Variants in TXNRD2 observed in about 807,000 individuals in gnomAD.
The protein encoded by TXNRD2 is thioredoxin reductase 2, also known as thioredoxin reductase 2, mitochondrial.
Under a neutral mutation model 70.8 loss-of-function variants are expected in TXNRD2, and 67 were observed. That is an observed-to-expected ratio of 0.95 (90% confidence interval 0.78 to 1.16). The LOEUF is 1.16. TXNRD2 is among the 50% of genes most tolerant of loss of function. TXNRD2 has a pLI of 0.00. For synonymous variants in TXNRD2, 301 were observed against 295.8 expected (o/e 1.02, Z -0.18); for missense variants, 644 against 719.9 (o/e 0.89, Z 1.21).
intron 11 of TXNRD2, among the ~76,000 whole-genome samples, chr22:19,889,604 C>T (rs966444943): frequency 2.0e-5 from 3 of 151,310 alleles, no homozygotes; most frequent in Non-Finnish European, 4.4e-5. Context: ...AGCTAGACAC[C>T]GTCTCAAAAA....
At chr22:19,890,950 C>G (rs1939238386) in intron 11 of TXNRD2, among the ~76,000 whole-genome samples, 1 of 152,184 alleles carries the variant, frequency 6.6e-6, no homozygotes, top group South Asian at 2.1e-4. Context: ...ATCTCCTGGG[C>G]ACCCCAGTCT....
chr22:19,924,129 G>C (rs1050785016), intron 2 of TXNRD2, among the ~76,000 whole-genome samples: 1 of 151,960 alleles, frequency 6.6e-6, no homozygotes, highest in African/African-American at 2.4e-5. Flanking sequence ...GCCTCCCAAA[G>C]TGCTGGGACC....
At chr22:19,940,730 C>T (rs1000051672) in intron 1 of TXNRD2, among the ~76,000 whole-genome samples, 1 of 152,148 alleles carries the variant, frequency 6.6e-6, no homozygotes, top group Non-Finnish European at 1.5e-5. Flanking sequence ...GCCCACCTGA[C>T]GCATGCAGCC....
chr22:19,933,531 T>C, intron 1 of TXNRD2: 1 of 1,287,420 alleles, frequency 7.8e-7, no homozygotes, highest in Non-Finnish European at 1.0e-6. Flanking sequence ...CTGTCTGCTA[T>C]CAGGCAGGGT....
chr22:19,908,384 C>T (rs376209832), intron 8 of TXNRD2, among the ~76,000 whole-genome samples: 171 of 152,064 alleles, frequency 1.1e-3, no homozygotes, highest in African/African-American at 3.9e-3. Context: ...CCTTGTAAAG[C>T]GTATAAGACC....
At chr22:19,920,621 A>C (rs1940865867) in intron 2 of TXNRD2, among the ~76,000 whole-genome samples, 1 of 151,644 alleles carries the variant, frequency 6.6e-6, no homozygotes, top group Admixed American at 6.6e-5. Context: ...AACATTAGCT[A>C]GGGCTAATTT....
At chr22:19,934,091 T>C (rs1315897806) in intron 1 of TXNRD2, among the ~76,000 whole-genome samples, 1 of 152,170 alleles carries the variant, frequency 6.6e-6, no homozygotes, top group Non-Finnish European at 1.5e-5. Flanking sequence ...GCTGGCCACC[T>C]CAGGGTGCCA....
chr22:19,883,290 G>C, intron 12 of TXNRD2, 35 bp downstream of exon 12: 1 of 1,607,874 alleles, frequency 6.2e-7, no homozygotes, highest in Non-Finnish European at 8.5e-7. Flanking sequence ...GAGCAGGCAG[G>C]GGCAGGGGCC....
At chr22:19,934,995 G>A (rs765422021) in intron 1 of TXNRD2, among the ~76,000 whole-genome samples, 4 of 152,114 alleles carry the variant, frequency 2.6e-5, no homozygotes, top group Non-Finnish European at 4.4e-5. Context: ...ATTGTAAAAC[G>A]TGTGTTTGAA....
At chr22:19,880,304 T>TGGCCCTTGGGTCTGGAGTCAGGGA in intron 13 of TXNRD2, 33 bp from the exon 14 acceptor site, 2 of 1,607,714 alleles carry the variant, frequency 1.2e-6, no homozygotes, top group Non-Finnish European at 1.7e-6. Context: ...GGAGGGCCCT[T>TGGCCCTTGGGTCTGGAGTCAGGGA]GGGCCCCGAA....
At chr22:19,882,234 CAGGCTGG>C (rs200160440) in intron 12 of TXNRD2, among the ~76,000 whole-genome samples, 1,692 of 152,242 alleles carry the variant, frequency 0.011, 28 homozygotes, top group African/African-American at 0.039. Flanking sequence ...CTCTGTCACC[CAGGCTGG>C]AGTGCAGTGG....
chr22:19,895,811 C>A (rs944923489), intron 10 of TXNRD2, among the ~76,000 whole-genome samples: 3 of 152,210 alleles, frequency 2.0e-5, no homozygotes, highest in African/African-American at 4.8e-5. Flanking sequence ...ATTCACTCAG[C>A]CTGTGGGCTC....
chr22:19,913,459 T>C (rs73880005), intron 7 of TXNRD2, among the ~76,000 whole-genome samples: 5,212 of 152,176 alleles, frequency 0.034, 129 homozygotes, highest in South Asian at 0.086. Context: ...AGTCAGCAAC[T>C]ATAGGGTCAT....
rs567227636 is a variant in TXNRD2 at position 19,925,018 on chromosome 22, C to T, written c.173-5419G>A. ...AAAAGCGGGGGGCCAGGCATGGTGG[C>T]TCACGCCTGTAATCCCAGCACTTTG... On this transcript the variant is annotated intron_variant, in intron 2 of 17. Transcript: ENST00000400521. Among the ~76,000 whole-genome samples, 196 of 150,156 alleles carry T rather than the reference C, an allele frequency of 1.3e-3. 1 individual carries two copies. Among genetic ancestry groups the T allele is most frequent in the Non-Finnish European group, 2.0e-3 (136 of 67,800 alleles).
At chr22:19,906,959 G>A (rs28544183) in intron 8 of TXNRD2, among the ~76,000 whole-genome samples, 7 of 88,446 alleles carry the variant, frequency 7.9e-5, no homozygotes, top group African/African-American at 3.1e-4. Context: ...AGCAGTGACC[G>A]CTCTCAGGAG....
chr22:19,885,464 G>A (rs1032071375), intron 11 of TXNRD2, among the ~76,000 whole-genome samples: 3 of 142,536 alleles, frequency 2.1e-5, no homozygotes, highest in Non-Finnish European at 4.8e-5. Context: ...CGGGAGGCCG[G>A]CTCCAGCCTC....
At chr22:19,882,277 C>T (rs1601387316) in intron 12 of TXNRD2, among the ~76,000 whole-genome samples, 1 of 152,188 alleles carries the variant, frequency 6.6e-6, no homozygotes, top group Non-Finnish European at 1.5e-5. Flanking sequence ...CGGTAACCTC[C>T]GCCTTCCTCC....
intron 2 of TXNRD2, among the ~76,000 whole-genome samples, chr22:19,927,475 G>A (rs1941190263): frequency 6.6e-6 from 1 of 150,654 alleles, no homozygotes; most frequent in Non-Finnish European, 1.5e-5. Context: ...GCAACATAGC[G>A]AAACCCACCT....
Position 19,883,402 on chromosome 22 carries a change from C to T in TXNRD2, c.1009G>A (p.Asp337Asn), listed in dbSNP as rs781778102. 10 of 1,613,930 alleles carry T rather than the reference C, an allele frequency of 6.2e-6. No individual in the cohort carries two copies. Among genetic ancestry groups the T allele is most frequent in the South Asian group, 5.5e-5 (5 of 91,082 alleles). Residue 337 changes from aspartate to asparagine, a missense_variant, in exon 12 of 18, where the codon GAC becomes AAC. Physicochemically the swap from Asp to Asn is conservative, Grantham distance 23. Around this residue, in one of 3 missense-constraint regions of TXNRD2, gnomAD observed 566 missense variants for 645.0 expected, o/e 0.88. Coordinates refer to ENST00000400521, the MANE Select transcript of TXNRD2 (RefSeq NM_006440.5). ...LEKAGVDTSP[D>N]TQKILVDSRE... ...GAGTCCACCAGGATCTTCTGAGTGT[C>T]GGGGCTAGTATCTACCCCAGCCTTC...
Sources: gnomAD v4.1 joint callset for allele counts (sites outside exome capture counted in the v4.1 genomes callset) on GRCh38, gnomAD v4.1.1 for gene constraint, gnomAD v4.1.1 regional missense constraint, MANE v1.5 for transcripts, NCBI Gene and HGNC (gene_info 2026-07-23, HGNC 2026-07-21) for gene names.